The following ROBO2 variants were observed in gnomAD, a reference collection of about 807,000 sequenced individuals.
ROBO2 encodes roundabout homolog 2.
A neutral mutation model predicts 160.8 loss-of-function variants in ROBO2; 53 were observed. The ratio of observed to expected loss-of-function variants is 0.33; its 90% confidence interval spans 0.26 to 0.41. The LOEUF (loss-of-function observed/expected upper bound fraction) is 0.41. ROBO2 is among the 10% of genes least tolerant of loss of function. The pLI is 1.00. For synonymous variants in ROBO2, 664 were observed against 611.7 expected, an observed-to-expected ratio of 1.09 and a Z score of -1.26; for missense variants, 1,577 against 1,722.4, an observed-to-expected ratio of 0.92 and a Z score of 1.49.
intron 2 of ROBO2, among the ~76,000 whole-genome samples, chr3:76,268,128 A>G (rs2107616753): frequency 6.6e-6 from 1 of 152,230 alleles, no homozygotes; most frequent in Middle Eastern, 3.4e-3. Flanking sequence ...AAATTATCCA[A>G]GGAAGGTGGT....
chr3:76,580,367 G>GT (rs2085622884), intron 2 of ROBO2, among the ~76,000 whole-genome samples: 3 of 36,160 alleles, frequency 8.3e-5, no homozygotes, highest in Non-Finnish European at 2.0e-4. Flanking sequence ...TTTTTTTTTG[G>GT]TTTTTTTCTC....
At chr3:77,488,232 C>A (rs2085620769) in intron 4 of ROBO2, among the ~76,000 whole-genome samples, 1 of 152,096 alleles carries the variant, frequency 6.6e-6, no homozygotes, top group Non-Finnish European at 1.5e-5. Flanking sequence ...AGAGATTAAC[C>A]TTGTAAGCAA....
exon 19 of ROBO2, chr3:77,596,673 A>T: frequency 1.2e-6 from 2 of 1,613,948 alleles, no homozygotes; most frequent in Non-Finnish European, 1.7e-6. Flanking sequence ...TGGCTTGCTG[A>T]TTCTTGGCCA....
chr3:76,230,992 G>C (rs975162534), intron 2 of ROBO2, among the ~76,000 whole-genome samples: 2 of 152,052 alleles, frequency 1.3e-5, no homozygotes, highest in African/African-American at 2.4e-5. Context: ...TAAACCACCA[G>C]AAGCTAAGAG....
intron 2 of ROBO2, among the ~76,000 whole-genome samples, chr3:77,421,626 C>T (rs113599314): frequency 0.025 from 3,768 of 152,060 alleles, 161 homozygotes; most frequent in African/African-American, 0.084. Context: ...CTTTAGTCAT[C>T]GAAAGCATTG....
At chr3:77,062,013 G>T (rs72904028) in intron 1 of ROBO2, among the ~76,000 whole-genome samples, 3 of 152,172 alleles carry the variant, frequency 2.0e-5, no homozygotes, top group East Asian at 3.9e-4. Context: ...TTCAAAGTAG[G>T]CAAAGGATAA....
intron 2 of ROBO2, among the ~76,000 whole-genome samples, chr3:76,503,000 A>ATGTG (rs76969660): frequency 0.32 from 45,468 of 142,934 alleles, 7,930 homozygotes; most frequent in Non-Finnish European, 0.4. Flanking sequence ...ATATATATAT[A>ATGTG]TGTGTGTGTG....
At chr3:76,486,067 A>C (rs75392625) in intron 2 of ROBO2, among the ~76,000 whole-genome samples, 3,527 of 152,304 alleles carry the variant, frequency 0.023, 62 homozygotes, top group South Asian at 0.047. Context: ...CCGGTCCAGT[A>C]ATTATAAGAT....
chr3:76,149,412 C>A (rs949363542), intron 2 of ROBO2, among the ~76,000 whole-genome samples: 2 of 152,100 alleles, frequency 1.3e-5, no homozygotes, highest in Non-Finnish European at 2.9e-5. Flanking sequence ...TTACCCATTT[C>A]CAGCTCTGGG....
At chr3:77,219,489 G>GTGTATATA (rs2085479710) in intron 2 of ROBO2, among the ~76,000 whole-genome samples, 1 of 111,476 alleles carries the variant, frequency 9.0e-6, no homozygotes, top group African/African-American at 3.3e-5. Context: ...TATATAATCT[G>GTGTATATA]TATATATATA....
At chr3:76,613,814 G>A (rs1033994963) in intron 2 of ROBO2, among the ~76,000 whole-genome samples, 12 of 151,980 alleles carry the variant, frequency 7.9e-5, no homozygotes, top group African/African-American at 2.9e-4. Context: ...GCATCTTAAA[G>A]CTCACTTTCA....
intron 2 of ROBO2, among the ~76,000 whole-genome samples, chr3:75,970,798 A>G (rs1316127451): frequency 1.3e-5 from 2 of 150,858 alleles, no homozygotes; most frequent in African/African-American, 4.8e-5. Context: ...TTTACTTTTT[A>G]TTATTCTTGT....
intron 6 of ROBO2, among the ~76,000 whole-genome samples, chr3:77,530,160 G>A (rs1030009274): frequency 2.6e-5 from 4 of 151,730 alleles, no homozygotes; most frequent in Admixed American, 2.0e-4. Flanking sequence ...CCACAGAAAG[G>A]GGAGAAAAAA....
intron 2 of ROBO2, among the ~76,000 whole-genome samples, chr3:76,273,059 TA>T (rs774593297): frequency 0.038 from 4,028 of 105,002 alleles, 120 homozygotes; most frequent in East Asian, 0.11. Flanking sequence ...TATAAATATA[TA>T]AAAAATATAT....
chr3:76,938,971 C>CAAAAAAAAAA (rs71629626), intron 2 of ROBO2, among the ~76,000 whole-genome samples: 42 of 114,586 alleles, frequency 3.7e-4, no homozygotes, highest in African/African-American at 1.2e-3. Flanking sequence ...AACTCAGTCT[C>CAAAAAAAAAA]AAAAAAAAAA....
chr3:76,515,493 C>A (rs1018180660), intron 2 of ROBO2, among the ~76,000 whole-genome samples: 5 of 138,778 alleles, frequency 3.6e-5, no homozygotes, highest in African/African-American at 1.2e-4. Context: ...TACACGCCTG[C>A]AAGGTATTTT....
At chr3:77,584,808 A>G (rs926681949) in intron 16 of ROBO2, among the ~76,000 whole-genome samples, 4 of 151,774 alleles carry the variant, frequency 2.6e-5, no homozygotes, top group Non-Finnish European at 5.9e-5. Context: ...ACCAAAAAGG[A>G]TTTAACTTAC....
chr3:77,305,893 T>C (rs907381180), intron 2 of ROBO2, among the ~76,000 whole-genome samples: 4 of 152,194 alleles, frequency 2.6e-5, no homozygotes, highest in Non-Finnish European at 5.9e-5. Flanking sequence ...AGGATTAATA[T>C]GTATGTCTGT....
At chr3:77,615,304 G>A (rs898735216) in intron 21 of ROBO2, among the ~76,000 whole-genome samples, 5 of 152,144 alleles carry the variant, frequency 3.3e-5, no homozygotes, top group African/African-American at 1.2e-4. Flanking sequence ...CTCCACCAGA[G>A]TGGTACATTT....
Sources: allele counts gnomAD v4.1 joint callset (sites outside exome capture counted in the v4.1 genomes callset), GRCh38; gene constraint gnomAD v4.1.1; transcripts MANE v1.5; gene names NCBI Gene and HGNC (gene_info 2026-07-23, HGNC 2026-07-21).